NPFFR2: variants seen among roughly 807,000 people sequenced by gnomAD.
NPFFR2 encodes G-protein coupled receptor 74.
A neutral mutation model predicts 13.1 loss-of-function variants in NPFFR2; 15 were observed. The observed-to-expected ratio is 1.15, with a 90% CI of 0.77 to 1.76. NPFFR2 has a LOEUF of 1.76. NPFFR2 is among the 40% of genes most tolerant of loss of function. The pLI is 0.00. For synonymous variants in NPFFR2, 190 were observed against 175.7 expected (o/e 1.08, Z -0.65); for missense variants, 572 against 503.5 (o/e 1.14, Z -1.30).
At chr4:72,062,804 A>G (rs1468225481) in intron 1 of NPFFR2, among the ~76,000 whole-genome samples, 1 of 152,188 alleles carries the variant, frequency 6.6e-6, no homozygotes, top group Non-Finnish European at 1.5e-5. Context: ...GATTCAGCCC[A>G]GTTGTCTCAG....
At chr4:72,057,491 T>C (rs1414474082) in intron 1 of NPFFR2, among the ~76,000 whole-genome samples, 1 of 152,012 alleles carries the variant, frequency 6.6e-6, no homozygotes, top group Non-Finnish European at 1.5e-5. Context: ...ACCTTTGCCT[T>C]TGTCTTCACA....
At chr4:72,139,244 C>T (rs1002435866) in intron 3 of NPFFR2, among the ~76,000 whole-genome samples, 1 of 152,174 alleles carries the variant, frequency 6.6e-6, no homozygotes, top group African/African-American at 2.4e-5. Context: ...TTTTGCTGTG[C>T]AGAAATTCTT....
rs746987089 is a variant in NPFFR2, at chr4:72,147,390, C to T, written c.841C>T (p.Leu281=). 2.5e-6 allele frequency: 4 copies of T among 1,614,128 alleles called. No homozygotes were observed. The Admixed American group carries it at 5.0e-5, about 20-fold the overall frequency. ...KIIKMLLIVA[L]LFILSWLPLW... is the part of the protein sequence containing the mutation. The stretch of plus-strand genomic sequence containing the variant: ...CATTAAGATGCTCCTGATTGTGGCC[C>T]TGCTTTTTATTCTCTCATGGCTGCC... The change falls in exon 4 of 4, where the codon CTG becomes TTG. Residue 281 remains leucine (L), a synonymous_variant. Transcript: ENST00000308744.
At chr4:72,062,534 A>AT (rs1333674291) in intron 1 of NPFFR2, among the ~76,000 whole-genome samples, 106 of 152,102 alleles carry the variant, frequency 7.0e-4, no homozygotes, top group African/African-American at 2.4e-3. Flanking sequence ...AAAAAAAAAA[A>AT]AAAGAAGTCG....
intron 1 of NPFFR2, among the ~76,000 whole-genome samples, chr4:72,036,957 T>C (rs1195655181): frequency 6.6e-6 from 1 of 152,196 alleles, no homozygotes; most frequent in African/African-American, 2.4e-5. Context: ...AACTGCTTTA[T>C]CTTACCAAGA....
intron 1 of NPFFR2, chr4:72,068,884 C>A (rs1720158450): frequency 6.5e-6 from 4 of 617,896 alleles, no homozygotes; most frequent in African/African-American, 2.0e-5. Flanking sequence ...TGGCTCTAGA[C>A]ACATATGGTT....
At chr4:72,078,396 T>C (rs1336817734) in intron 1 of NPFFR2, among the ~76,000 whole-genome samples, 1 of 152,150 alleles carries the variant, frequency 6.6e-6, no homozygotes, top group African/African-American at 2.4e-5. Flanking sequence ...TGAGAGCAGA[T>C]AGCAACAAAA....
At chr4:72,065,091 G>GA (rs560115744) in intron 1 of NPFFR2, among the ~76,000 whole-genome samples, 1,770 of 102,918 alleles carry the variant, frequency 0.017, 23 homozygotes, top group African/African-American at 0.046. Flanking sequence ...GTTGCTCAGA[G>GA]AAAAAAAAAA....
intron 1 of NPFFR2, among the ~76,000 whole-genome samples, chr4:72,095,809 T>G (rs1177894145): frequency 1.3e-5 from 2 of 152,194 alleles, no homozygotes; most frequent in African/African-American, 4.8e-5. Context: ...CAACTGTCTC[T>G]TTAACTCAGA....
chr4:72,099,507 G>A (rs1721171936), intron 1 of NPFFR2, among the ~76,000 whole-genome samples: 1 of 152,042 alleles, frequency 6.6e-6, no homozygotes, highest in Non-Finnish European at 1.5e-5. Context: ...GGAGGCCTTG[G>A]GGAGTTTTTA....
At chr4:72,062,669 A>T (rs1286100846) in intron 1 of NPFFR2, among the ~76,000 whole-genome samples, 3 of 152,132 alleles carry the variant, frequency 2.0e-5, no homozygotes, top group Non-Finnish European at 4.4e-5. Flanking sequence ...TTTTCCCAAC[A>T]AAATGTAATG....
At chr4:72,145,249 A>T (rs1259135025) in intron 3 of NPFFR2, among the ~76,000 whole-genome samples, 1 of 129,504 alleles carries the variant, frequency 7.7e-6, no homozygotes, top group African/African-American at 3.4e-5. Flanking sequence ...TATTAAACAA[A>T]TATGTAAGTA....
intron 1 of NPFFR2, among the ~76,000 whole-genome samples, chr4:72,046,410 GC>G (rs1284467382): frequency 1.3e-5 from 2 of 152,126 alleles, no homozygotes; most frequent in Non-Finnish European, 2.9e-5. Flanking sequence ...GATAAGCCCA[GC>G]CGCCTTTTGT....
At chr4:72,048,835 A>C (rs1719460502) in intron 1 of NPFFR2, among the ~76,000 whole-genome samples, 1 of 151,946 alleles carries the variant, frequency 6.6e-6, no homozygotes, top group South Asian at 2.1e-4. Flanking sequence ...CTTTTTCGTA[A>C]TTTCACAGAT....
In NPFFR2 at chr4:72,123,434, A is replaced by G. The variant is rs189734017; in HGVS notation, c.-7-5151A>G. ...ATGGAATGAGGCCAGCATCATCAGGATACCAAAACCTGGCAGAGACACAAC... is the reference window on the plus strand; with the variant it reads ...ATGGAATGAGGCCAGCATCATCAGGGTACCAAAACCTGGCAGAGACACAAC... On this transcript the variant is annotated intron_variant, in intron 1 of 3. Transcript: ENST00000308744. Among the ~76,000 whole-genome samples, 315 of 152,364 alleles carry G rather than the reference A, an allele frequency of 2.1e-3. 1 individual carries two copies. The highest frequency in any genetic ancestry group is 2.8e-3 in the Non-Finnish European group (189 of 68,042).
chr4:72,032,997 T>C (rs1035489334), intron 1 of NPFFR2, among the ~76,000 whole-genome samples: 8 of 152,344 alleles, frequency 5.3e-5, no homozygotes, highest in African/African-American at 1.9e-4. Context: ...ACAAAGATGC[T>C]GGTTTCCTTT....
Position 72,032,079 on chromosome 4 carries a change from C to G in NPFFR2, c.-129C>G, listed in dbSNP as rs752202177. 1.9e-6 allele frequency: 3 copies of G among 1,613,954 alleles called. No homozygotes were observed. The highest frequency in any genetic ancestry group is 2.2e-5 in the East Asian group (1 of 44,876). The stretch of plus-strand genomic sequence containing the variant: ...CAGGCAGTCCGCGGGGGACAGACGT[C>G]GGCTGGGATTGAGCCGGCAGACTGC... On this transcript the variant is annotated 5_prime_UTR_variant, in exon 1 of 4. Transcript: ENST00000308744.
chr4:72,096,497 GT>G (rs1182621023), intron 1 of NPFFR2, among the ~76,000 whole-genome samples: 46 of 152,216 alleles, frequency 3.0e-4, no homozygotes, highest in African/African-American at 1.1e-3. Context: ...TTAATGTGCA[GT>G]TTTGATAACT....
At chr4:72,146,898 A>T in intron 3 of NPFFR2, 80 bp from the exon 4 acceptor site, 1 of 934,344 alleles carries the variant, frequency 1.1e-6, no homozygotes, top group Non-Finnish European at 1.7e-6. Flanking sequence ...AGAGGCCTGT[A>T]ACTACATAAA....
Sources: gnomAD v4.1 joint callset for allele counts (sites outside exome capture counted in the v4.1 genomes callset) on GRCh38, gnomAD v4.1.1 for gene constraint, MANE v1.5 for transcripts, NCBI Gene and HGNC (gene_info 2026-07-23, HGNC 2026-07-21) for gene names.